The following PCDHGB7 variants were observed in gnomAD, a reference collection of about 807,000 sequenced individuals.
PCDHGB7 encodes protocadherin gamma-B7.
In PCDHGB7, 37 loss-of-function variants were observed where a neutral mutation model predicts 61.4. The observed-to-expected ratio is 0.60, with a 90% CI of 0.46 to 0.79. The LOEUF (loss-of-function observed/expected upper bound fraction) is 0.79. PCDHGB7 is among the 30% of genes least tolerant of loss of function. PCDHGB7 has a pLI of 0.00. For synonymous variants in PCDHGB7, 464 were observed against 503.5 expected (o/e 0.92, Z 1.05); for missense variants, 1,166 against 1,202.5 (o/e 0.97, Z 0.45).
chr5:141,487,826 T>C lies in PCDHGB7; in HGVS notation c.2416-6981T>C, dbSNP rs1321152837. 24 of 1,187,814 alleles carry C rather than the reference T, an allele frequency of 2.0e-5. No homozygotes were observed. The highest frequency in any genetic ancestry group is 2.8e-5 in the Non-Finnish European group (24 of 856,356). The allele number at this position is 1,187,814 out of a possible 1,614,324, so 73.6% of individuals were successfully genotyped here. On this transcript the variant is annotated intron_variant, in intron 1 of 3. Coordinates refer to ENST00000398594, the MANE Select transcript of PCDHGB7 (RefSeq NM_018927.4). The surrounding 1 kb of genome is among the most constrained non-coding windows in gnomAD (Gnocchi z 5.0). ...ACAGTTTAGCATTGGGGGCGGGTCA[T>C]GCCTATATCTGAGTAAGAAATGAAA... is the stretch of plus-strand genomic sequence containing the variant.
rs1156915249 is a variant in PCDHGB7, at chr5:141,426,840, G to C, written c.2415+6566G>C. 8.8e-6 allele frequency: 4 copies of C among 456,584 alleles called. No individual in the cohort carries two copies. In the East Asian group the frequency reaches 2.8e-4, roughly 32 times the overall value. The allele number at this position is 456,584 out of a possible 1,614,324, so 28.3% of individuals were successfully genotyped here. A position where few individuals can be genotyped will look rare whatever the true frequency, so the allele number is the denominator to read the frequency against. On this transcript the variant is annotated intron_variant, in intron 1 of 3. Transcript: ENST00000398594. Reference sequence around the variant, plus strand: ...CTCTCTGATGATGGACAAGACTAAAGGCAAGAACGCTCCAGAATTAGTGCT... The same window carrying C: ...CTCTCTGATGATGGACAAGACTAAACGCAAGAACGCTCCAGAATTAGTGCT...
At chr5:141,447,433 C>T (rs756021616) in intron 1 of PCDHGB7, among the ~76,000 whole-genome samples, 5 of 152,118 alleles carry the variant, frequency 3.3e-5, no homozygotes, top group African/African-American at 7.2e-5. Context: ...CCACCGCACC[C>T]GGAGGAAATT....
At position 141,476,764 on chromosome 5, in the gene PCDHGB7, G is replaced by A. The variant is rs570982273; in HGVS notation, c.2416-18043G>A. 1.2e-6 allele frequency: 2 copies of A among 1,613,794 alleles called. No homozygotes were observed. Reference sequence around the variant, plus strand: ...CTAGTCTCCAGTTAGTGCTGACGGCGTTGGACGGAGGGACCCCAGCTCTCT... The same window carrying A: ...CTAGTCTCCAGTTAGTGCTGACGGCATTGGACGGAGGGACCCCAGCTCTCT... On this transcript the variant is annotated intron_variant, in intron 1 of 3. Coordinates refer to ENST00000398594, the MANE Select transcript of PCDHGB7 (RefSeq NM_018927.4). The surrounding 1 kb of genome is among the most constrained non-coding windows in gnomAD (Gnocchi z 7.6).
intron 1 of PCDHGB7, among the ~76,000 whole-genome samples, chr5:141,494,529 G>C (rs952931724): frequency 1.3e-5 from 2 of 152,132 alleles, no homozygotes; most frequent in African/African-American, 4.8e-5. Flanking sequence ...TCTGACTCTG[G>C]GGGCAGGGAG....
In PCDHGB7 at chr5:141,489,610, C is replaced by A; in HGVS notation, c.2416-5197C>A. 6.2e-7 allele frequency: 1 copy of A among 1,614,090 alleles called. No individual in the cohort carries two copies. Among genetic ancestry groups the A allele is most frequent in the Non-Finnish European group, 8.5e-7 (1 of 1,179,990 alleles). ...GCTAATCCGTGTAGAGGTAGAGATCCTGGATCTCAATGACAACTCTCCTAG... is the reference window on the plus strand; with the variant it reads ...GCTAATCCGTGTAGAGGTAGAGATCATGGATCTCAATGACAACTCTCCTAG... On this transcript the variant is annotated intron_variant, in intron 1 of 3. Transcript: ENST00000398594. The surrounding 1 kb of genome is among the most constrained non-coding windows in gnomAD (Gnocchi z 4.5).
intron 1 of PCDHGB7, among the ~76,000 whole-genome samples, chr5:141,425,997 A>T (rs1365887915): frequency 6.6e-6 from 1 of 152,174 alleles, no homozygotes; most frequent in African/African-American, 2.4e-5. Context: ...GAATTAGCAA[A>T]GGCTTCCGGC....
chr5:141,435,519 T>C (rs2097768121), intron 1 of PCDHGB7, among the ~76,000 whole-genome samples: 2 of 152,192 alleles, frequency 1.3e-5, no homozygotes, highest in South Asian at 4.1e-4. Context: ...ATGATGACTT[T>C]GTGGAATATT....
At chr5:141,455,160 GT>G (rs59530096) in intron 1 of PCDHGB7, among the ~76,000 whole-genome samples, 102 of 149,212 alleles carry the variant, frequency 6.8e-4, no homozygotes, top group East Asian at 7.9e-4. Flanking sequence ...TAGTTTGTTG[GT>G]TTTTTTTTTA....
chr5:141,489,800 A>G lies in PCDHGB7; in HGVS notation c.2416-5007A>G. 6.2e-7 allele frequency: 1 copy of G among 1,614,166 alleles called. No homozygotes were observed. Among genetic ancestry groups the G allele is most frequent in the Non-Finnish European group, 8.5e-7 (1 of 1,179,994 alleles). On this transcript the variant is annotated intron_variant, in intron 1 of 3. Coordinates refer to ENST00000398594, the MANE Select transcript of PCDHGB7 (RefSeq NM_018927.4). This position sits in a 1 kb window ranked among gnomAD's most constrained non-coding sequence, Gnocchi z 4.5. ...TCTCTGAATGTGAAGACCCTAAAAG[A>G]TGGGAAGCCATTCCCAGAGCTGGTG...
At chr5:141,465,887 C>A (rs1267304672) in intron 1 of PCDHGB7, among the ~76,000 whole-genome samples, 1 of 152,040 alleles carries the variant, frequency 6.6e-6, no homozygotes, top group Non-Finnish European at 1.5e-5. Flanking sequence ...CTTTGGGAGG[C>A]CGAGGCGGGC....
intron 1 of PCDHGB7, among the ~76,000 whole-genome samples, chr5:141,483,340 C>T (rs906468552): frequency 5.9e-5 from 9 of 152,036 alleles, no homozygotes; most frequent in Non-Finnish European, 1.2e-4. Flanking sequence ...GATCTTATCT[C>T]TTTGCAATAG....
intron 2 of PCDHGB7, among the ~76,000 whole-genome samples, chr5:141,504,788 TC>T (rs1235410120): frequency 6.6e-6 from 1 of 152,070 alleles, no homozygotes; most frequent in Non-Finnish European, 1.5e-5. Context: ...TCTTGGGGCC[TC>T]CTACATCTCC....
intron 1 of PCDHGB7, among the ~76,000 whole-genome samples, chr5:141,451,001 A>AT (rs1164946963): frequency 2.0e-5 from 3 of 148,376 alleles, no homozygotes; most frequent in South Asian, 2.1e-4. Context: ...ATTTTTTTGT[A>AT]TTTTTTTTAG....
At chr5:141,468,560 T>TA (rs2099169084) in intron 1 of PCDHGB7, 1 of 152,004 alleles carries the variant, frequency 6.6e-6, no homozygotes, top group Non-Finnish European at 1.5e-5. Context: ...ATTTGTGATA[T>TA]AGTAAACAAT....
chr5:141,460,092 T>C (rs186695697), intron 1 of PCDHGB7, among the ~76,000 whole-genome samples: 37 of 152,056 alleles, frequency 2.4e-4, no homozygotes, highest in Admixed American at 9.8e-4. Context: ...ATAATAATTA[T>C]ACATGTAATT....
chr5:141,442,457 T>G (rs1209684998), intron 1 of PCDHGB7: 1 of 152,268 alleles, frequency 6.6e-6, no homozygotes, highest in African/African-American at 2.4e-5. Context: ...AATAGCAGTT[T>G]CACTGCAGAA....
At chr5:141,441,779 C>T in intron 1 of PCDHGB7, 2 of 390,030 alleles carry the variant, frequency 5.1e-6, no homozygotes, top group South Asian at 2.0e-5. Context: ...TGGTGGACGA[C>T]CTGAATGACA....
At chr5:141,494,514 G>T (rs1457018569) in intron 1 of PCDHGB7, among the ~76,000 whole-genome samples, 2 of 152,160 alleles carry the variant, frequency 1.3e-5, no homozygotes, top group South Asian at 2.1e-4. Context: ...TTTTGGCTCA[G>T]GAGTTCTGAC....
chr5:141,443,226 A>T (rs2098374954), intron 1 of PCDHGB7, among the ~76,000 whole-genome samples: 1 of 152,042 alleles, frequency 6.6e-6, no homozygotes, highest in Non-Finnish European at 1.5e-5. Flanking sequence ...CGCATCTATA[A>T]TCTTAGCACT....
Sources: gnomAD v4.1 joint callset for allele counts (sites outside exome capture counted in the v4.1 genomes callset) on GRCh38, gnomAD v4.1.1 for gene constraint, Gnocchi (gnomAD v3.1) non-coding constraint, MANE v1.5 for transcripts, NCBI Gene and HGNC (gene_info 2026-07-23, HGNC 2026-07-21) for gene names.